NUCB2: variants seen among roughly 807,000 people sequenced by gnomAD.
NUCB2 encodes nucleobindin 2.
Under a neutral mutation model 57.9 loss-of-function variants are expected in NUCB2, and 48 were observed. The observed-to-expected ratio is 0.83, with a 90% CI of 0.66 to 1.05. NUCB2 has a LOEUF of 1.05. Among genes scored for constraint, NUCB2 ranks in the 50% least tolerant of loss-of-function variants. NUCB2 has a pLI of 0.00. For missense variants in NUCB2, 442 were observed against 476.2 expected, an observed-to-expected ratio of 0.93 and a Z score of 0.67; for synonymous variants, 139 against 152.1, an observed-to-expected ratio of 0.91 and a Z score of 0.64.
At chr11:17,285,193 C>A (rs998036706) in intron 2 of NUCB2, among the ~76,000 whole-genome samples, 1 of 151,966 alleles carries the variant, frequency 6.6e-6, no homozygotes, top group East Asian at 1.9e-4. Context: ...TTTGGGAGGC[C>A]AAGGCGGGCA....
intron 11 of NUCB2, chr11:17,317,487 A>G: frequency 3.0e-6 from 1 of 336,454 alleles, no homozygotes; most frequent in Non-Finnish European, 6.1e-6. Context: ...TCCAATCTCT[A>G]GACTTAGTGA....
At chr11:17,300,835 C>T (rs563005972) in intron 4 of NUCB2, among the ~76,000 whole-genome samples, 5 of 152,060 alleles carry the variant, frequency 3.3e-5, no homozygotes, top group Admixed American at 2.0e-4. Context: ...TTCTGAGGAA[C>T]TGCCAAACTG....
In NUCB2 at chr11:17,332,209, G is replaced by A. The variant is rs1047058441; in HGVS notation, c.*790G>A. 6.6e-6 allele frequency: 1 copy of A among 151,902 alleles called. No individual in the cohort carries two copies. Among genetic ancestry groups the A allele is most frequent in the South Asian group, 2.1e-4 (1 of 4,808 alleles). 9.4% of individuals were successfully genotyped at this position (151,902 alleles called of 1,614,324 possible). A position where few individuals can be genotyped will look rare whatever the true frequency, so the allele number is the denominator to read the frequency against. ...CTCTCACTGTTCAAGTTTGCTCCTG[G>A]AGGCAGTGGGGAAGGCAAGAAAACT... On this transcript the variant is annotated 3_prime_UTR_variant, in exon 14 of 14. Coordinates refer to ENST00000529010, the MANE Select transcript of NUCB2 (RefSeq NM_005013.4).
chr11:17,319,390 A>G (rs966614469), intron 11 of NUCB2, among the ~76,000 whole-genome samples: 6 of 152,282 alleles, frequency 3.9e-5, no homozygotes, highest in African/African-American at 1.2e-4. Context: ...AGGATGTTCA[A>G]GGCTTACCTT....
In NUCB2 at chr11:17,294,529, CA is replaced by C. The variant is rs141626485; in HGVS notation, c.1-793del. Among the ~76,000 whole-genome samples, 138 of 152,100 alleles carry C rather than the reference CA, an allele frequency of 9.1e-4. 3 individuals are homozygous for C. The East Asian group carries it at 0.024, about 26-fold the overall frequency. ...TTTTAGTGGTTTGTTAATGGCAAGA[CA>C]ATGCTCTGTAAGGGAATTGGTTTAA... On this transcript the variant is annotated intron_variant, in intron 2 of 13. Coordinates refer to ENST00000529010, the MANE Select transcript of NUCB2 (RefSeq NM_005013.4).
intron 5 of NUCB2, 37 bp from the exon 6 acceptor site, chr11:17,309,535 G>T (rs748005819): frequency 8.8e-7 from 1 of 1,142,354 alleles, no homozygotes; most frequent in South Asian, 1.4e-5. Context: ...CTAGCTTCTA[G>T]AAATTGATCA....
downstream of NUCB2, chr11:17,333,556 T>G (rs367817418): frequency 5.9e-5 from 9 of 152,384 alleles, no homozygotes; most frequent in African/African-American, 2.2e-4. Context: ...ATCATTTACT[T>G]GCTGGCCTCT....
intron 5 of NUCB2, among the ~76,000 whole-genome samples, chr11:17,307,630 T>C (rs1042747006): frequency 1.3e-5 from 2 of 152,224 alleles, no homozygotes; most frequent in Non-Finnish European, 2.9e-5. Flanking sequence ...TTTTTTGTTT[T>C]TTTACAGCTG....
intron 2 of NUCB2, among the ~76,000 whole-genome samples, chr11:17,341,235 TA>T: frequency 6.6e-6 from 1 of 152,268 alleles, no homozygotes; most frequent in East Asian, 1.9e-4. Context: ...TGGGGTTTTC[TA>T]GATATACAAT....
chr11:17,298,960 A>G (rs932368590), intron 4 of NUCB2, among the ~76,000 whole-genome samples: 2 of 152,126 alleles, frequency 1.3e-5, no homozygotes, highest in African/African-American at 4.8e-5. Context: ...TGGCCTCCCA[A>G]AGTGCTGGGA....
At chr11:17,301,681 C>T in intron 4 of NUCB2, 63 bp from the exon 5 acceptor site, 3 of 1,222,590 alleles carry the variant, frequency 2.5e-6, no homozygotes, top group Non-Finnish European at 3.6e-6. Flanking sequence ...TGTTTTTAAG[C>T]TGTTGCATTT....
chr11:17,280,675 A>C (rs1942374807), intron 1 of NUCB2, among the ~76,000 whole-genome samples: 1 of 152,196 alleles, frequency 6.6e-6, no homozygotes, highest in Admixed American at 6.6e-5. Context: ...CATTGCTTTC[A>C]TTGGTCTATG....
intron 10 of NUCB2, among the ~76,000 whole-genome samples, chr11:17,313,885 A>G (rs1948871185): frequency 6.6e-6 from 1 of 151,920 alleles, no homozygotes. Context: ...CTTAAGTGAT[A>G]GTGTGGAGCC....
chr11:17,328,217 C>G (rs1383054492), intron 11 of NUCB2, among the ~76,000 whole-genome samples: 1 of 152,218 alleles, frequency 6.6e-6, no homozygotes, highest in African/African-American at 2.4e-5. Context: ...GACTCTTGTT[C>G]TTTTCCCTTA....
rs1329702162 is a variant in NUCB2 at position 17,295,996 on chromosome 11, A to G, written c.145-108A>G. ...CACTTTGTTGAAACTATCAAAGTAA[A>G]TATGTCTTAATGCCATTTTGCTAGA... is the stretch of plus-strand genomic sequence containing the variant. On this transcript the variant is annotated intron_variant, in intron 3 of 13. Coordinates refer to ENST00000529010, the MANE Select transcript of NUCB2 (RefSeq NM_005013.4). The G allele has an allele frequency of 1.1e-5, 6 of 554,146 alleles. No homozygotes were observed. The Admixed American group carries it at 1.7e-4, about 16-fold the overall frequency. The allele number at this position is 554,146 out of a possible 1,614,324, so 34.3% of individuals were successfully genotyped here. A position where few individuals can be genotyped will look rare whatever the true frequency, so the allele number is the denominator to read the frequency against.
chr11:17,322,471 TA>T (rs1950150020), intron 11 of NUCB2, among the ~76,000 whole-genome samples: 1 of 152,188 alleles, frequency 6.6e-6, no homozygotes, highest in Non-Finnish European at 1.5e-5. Flanking sequence ...TTTATGCCAG[TA>T]CGATTGTGTT....
chr11:17,310,061 G>T (rs1948253332), intron 6 of NUCB2, among the ~76,000 whole-genome samples: 1 of 152,072 alleles, frequency 6.6e-6, no homozygotes, highest in South Asian at 2.1e-4. Flanking sequence ...TTTCTTTAAG[G>T]TAGAAAATTC....
At chr11:17,286,437 G>A (rs147009735) in intron 2 of NUCB2, among the ~76,000 whole-genome samples, 54 of 152,328 alleles carry the variant, frequency 3.5e-4, no homozygotes, top group African/African-American at 1.2e-3. Context: ...ACTAAGAGAA[G>A]CTTAAGAACT....
chr11:17,278,754 C>G (rs1360588498), intron 1 of NUCB2, among the ~76,000 whole-genome samples: 17 of 152,200 alleles, frequency 1.1e-4, no homozygotes. Flanking sequence ...TGAACACATA[C>G]TAAACTAATT....
Sources: gnomAD v4.1 joint callset for allele counts (sites outside exome capture counted in the v4.1 genomes callset) on GRCh38, gnomAD v4.1.1 for gene constraint, MANE v1.5 for transcripts, NCBI Gene and HGNC (gene_info 2026-07-23, HGNC 2026-07-21) for gene names.